Variants in TSC2 observed in about 807,000 individuals in gnomAD.
TSC2 encodes tuberin.
A neutral mutation model predicts 202.2 loss-of-function variants in TSC2; 29 were observed. The observed-to-expected ratio is 0.14, with a 90% CI of 0.11 to 0.20. The LOEUF is 0.20. Ranked by LOEUF, TSC2 falls within the 10% of genes least tolerant of loss-of-function variation. The pLI is 1.00. For missense variants in TSC2, 2,429 were observed against 2,420.0 expected, an observed-to-expected ratio of 1.00 and a Z score of -0.08; for synonymous variants, 1,349 against 1,044.0, an observed-to-expected ratio of 1.29 and a Z score of -5.63.
Position 2,076,079 on chromosome 16 carries a change from A to G in TSC2, c.2651A>G (p.Tyr884Cys), listed in dbSNP as rs754849580. The part of the protein sequence containing the change: ...PYTNPSKFNQ[Y>C]IVCLAHHVIA... ...CCTTCTCATCTCAGGTTTAATCAGTACATCGTGTGTCTGGCCCATCACGTC... is the reference window on the plus strand; with the variant it reads ...CCTTCTCATCTCAGGTTTAATCAGTGCATCGTGTGTCTGGCCCATCACGTC... The change falls in exon 24 of 42, where the codon TAC becomes TGC. Residue 884 changes from tyrosine (Y) to cysteine (C), a missense_variant. Transcript: ENST00000219476. 6.2e-7 allele frequency: 1 copy of G among 1,613,922 alleles called. No homozygotes were observed. Among genetic ancestry groups the G allele is most frequent in the Non-Finnish European group, 8.5e-7 (1 of 1,180,032 alleles).
At chr16:2,066,651 C>CTTTTTTTTTT (rs34619573) in intron 16 of TSC2, among the ~76,000 whole-genome samples, 22 of 98,478 alleles carry the variant, frequency 2.2e-4, no homozygotes, top group Non-Finnish European at 3.7e-4. Context: ...TCTGATTTAT[C>CTTTTTTTTTT]TTTTTTTTTT....
At chr16:2,049,232 C>A (rs530907641) in intron 2 of TSC2, among the ~76,000 whole-genome samples, 15 of 151,944 alleles carry the variant, frequency 9.9e-5, no homozygotes, top group Admixed American at 9.8e-4. Context: ...ACTACAGACA[C>A]GTGCCACCAC....
At chr16:2,076,885 C>G (rs1447945164) in intron 25 of TSC2, among the ~76,000 whole-genome samples, 1 of 152,288 alleles carries the variant, frequency 6.6e-6, no homozygotes, top group Non-Finnish European at 1.5e-5. Context: ...CTGGGGCTGC[C>G]CCCTCCTCTG....
chr16:2,073,901 A>AGGC, intron 21 of TSC2, among the ~76,000 whole-genome samples: 1 of 152,364 alleles, frequency 6.6e-6, no homozygotes, highest in South Asian at 2.1e-4. Context: ...TGGCCACTTC[A>AGGC]GGCAGCACTG....
At chr16:2,062,741 A>C in intron 13 of TSC2, 141 bp downstream of exon 13, 1 of 1,021,414 alleles carries the variant, frequency 9.8e-7, no homozygotes, top group South Asian at 1.4e-5. Flanking sequence ...CTGGGTGAGC[A>C]GGTGCTAGCT....
chr16:2,064,853 C>T (rs534524568), intron 15 of TSC2: 1 of 270,526 alleles, frequency 3.7e-6, no homozygotes, highest in African/African-American at 2.2e-5. Flanking sequence ...GTGGCTCACG[C>T]CTGTAATCCC....
chr16:2,065,434 AAAG>A (rs2087204886), intron 15 of TSC2, 82 bp from the exon 16 acceptor site: 7 of 863,790 alleles, frequency 8.1e-6, no homozygotes, highest in East Asian at 2.7e-5. Flanking sequence ...AAAAAAAAAA[AAAG>A]GTGTTTGTGG....
In TSC2 at chr16:2,061,959, C is replaced by T. The variant is rs1555501098; in HGVS notation, c.1208C>T (p.Ser403Phe). ...TGTGACCAGAACGAGTTCCACGGGT[C>T]TCAGGAGAGATACTTTGAACTGGTG... ...ELCDQNEFHG[S>F]QERYFELVER... The change falls in exon 12 of 42, where the codon TCT becomes TTT. Residue 403 changes from serine to phenylalanine, a missense_variant. Coordinates refer to ENST00000219476, the MANE Select transcript of TSC2 (RefSeq NM_000548.5). 9.3e-6 allele frequency: 15 copies of T among 1,614,194 alleles called. No individual in the cohort carries two copies. The highest frequency in any genetic ancestry group is 1.2e-5 in the Non-Finnish European group (14 of 1,180,036).
At chr16:2,061,708 C>G in intron 11 of TSC2, 163 bp from the exon 12 acceptor site, 1 of 1,204,210 alleles carries the variant, frequency 8.3e-7, no homozygotes, top group Non-Finnish European at 1.2e-6. Flanking sequence ...CCCATGAGGC[C>G]CGGAGCGGCC....
intron 17 of TSC2, among the ~76,000 whole-genome samples, chr16:2,070,994 G>A (rs532467036): frequency 0.052 from 7,920 of 151,320 alleles, 716 homozygotes; most frequent in African/African-American, 0.18. Flanking sequence ...AGAGGGCAGG[G>A]CAGGGATGGG....
intron 5 of TSC2, 108 bp from the exon 6 acceptor site, chr16:2,055,294 G>C: frequency 2.3e-6 from 2 of 871,458 alleles, no homozygotes; most frequent in South Asian, 2.6e-5. Context: ...CTGATGATGG[G>C]GTTTCTGGCA....
At position 2,072,389 on chromosome 16, in the gene TSC2, G is replaced by A. The variant is rs765728686; in HGVS notation, c.2220+26G>A. 6 of 1,613,192 alleles carry A rather than the reference G, an allele frequency of 3.7e-6. No individual in the cohort carries two copies. In the South Asian group the frequency reaches 6.6e-5, roughly 18 times the overall value. ...GTACCATGGCCGGCCTGGGGTTGGG[G>A]TGGGGGACCCAGTAGGGTTTTTCCC... is the stretch of plus-strand genomic sequence containing the variant. On this transcript the variant is annotated intron_variant, in intron 20 of 41. Coordinates refer to ENST00000219476, the MANE Select transcript of TSC2 (RefSeq NM_000548.5).
At chr16:2,068,346 C>T (rs1208186374) in intron 16 of TSC2, among the ~76,000 whole-genome samples, 1 of 152,058 alleles carries the variant, frequency 6.6e-6, no homozygotes, top group East Asian at 1.9e-4. Flanking sequence ...GGCCTGTTTT[C>T]ATTTCTTTTG....
chr16:2,071,996 AC>A, intron 19 of TSC2, 62 bp downstream of exon 19: 1 of 1,513,008 alleles, frequency 6.6e-7, no homozygotes, highest in Non-Finnish European at 8.9e-7. Context: ...GGGAGCTGCC[AC>A]CTGCCTGCTG....
In TSC2 at chr16:2,080,344, G is replaced by T; in HGVS notation, c.3577G>T (p.Gly1193Cys). The T allele has an allele frequency of 1.9e-6, 3 of 1,612,496 alleles. No individual in the cohort carries two copies. Among genetic ancestry groups the T allele is most frequent in the Non-Finnish European group, 2.5e-6 (3 of 1,179,990 alleles). Reference sequence around the variant, plus strand: ...GGCCTATGTGCCCCTGCTGACCCAGGGCTGGGCGGAGATCCTGGTCCGGAG... The same window carrying T: ...GGCCTATGTGCCCCTGCTGACCCAGTGCTGGGCGGAGATCCTGGTCCGGAG... ...LAAYVPLLTQ[G>C]WAEILVRRPT... The change falls in exon 30 of 42, where the codon GGC becomes TGC. Residue 1193 changes from glycine (G) to cysteine (C), a missense_variant. Gly to Cys is a radical substitution (Grantham distance 159). Coordinates refer to ENST00000219476, the MANE Select transcript of TSC2 (RefSeq NM_000548.5).
intron 5 of TSC2, 64 bp downstream of exon 5, chr16:2,054,504 A>C (rs1380402840): frequency 1.2e-6 from 2 of 1,609,964 alleles, no homozygotes; most frequent in African/African-American, 2.7e-5. Context: ...CTGGATGGGA[A>C]GGACCTGGGG....
At position 2,070,468 on chromosome 16, in the gene TSC2, A is replaced by G. The variant is rs1204749633; in HGVS notation, c.1729A>G (p.Thr577Ala). The change falls in exon 17 of 42, where the codon ACC (threonine) becomes GCC (alanine). Residue 577 changes from threonine to alanine, a missense_variant. Coordinates refer to ENST00000219476, the MANE Select transcript of TSC2 (RefSeq NM_000548.5). ...CCTCTCTCTGCAGACCAAGCTGTAC[A>G]CCCTGCCTGCAAGCCACGCCACGCG... ...LLVILQTKLY[T>A]LPASHATRVY... 1.9e-6 allele frequency: 3 copies of G among 1,613,162 alleles called. No homozygotes were observed. The highest frequency in any genetic ancestry group is 2.2e-5 in the East Asian group (1 of 44,868).
rs1218626538 is a variant in TSC2, at chr16:2,089,203, G to C, written c.*593G>C. On this transcript the variant is annotated 3_prime_UTR_variant, in exon 42 of 42. Transcript: ENST00000219476. Reference sequence around the variant, plus strand: ...GCGCAGCAGGTGTTGGGGGAGGCCAGCTCTGGGCGCAGGCCCCTCAGCCCT... The same window carrying C: ...GCGCAGCAGGTGTTGGGGGAGGCCACCTCTGGGCGCAGGCCCCTCAGCCCT... The C allele has an allele frequency of 5.7e-6, 1 of 175,308 alleles. No homozygotes were observed. 10.9% of individuals were successfully genotyped at this position (175,308 alleles called of 1,614,324 possible).
At chr16:2,072,763 T>C in intron 20 of TSC2, 86 bp from the exon 21 acceptor site, 1 of 1,603,860 alleles carries the variant, frequency 6.2e-7, no homozygotes. Flanking sequence ...TTCCTGGGCC[T>C]GCGTTCCCAG....
Sources: allele counts gnomAD v4.1 joint callset (sites outside exome capture counted in the v4.1 genomes callset), GRCh38; gene constraint gnomAD v4.1.1; transcripts MANE v1.5; gene names NCBI Gene and HGNC (gene_info 2026-07-23, HGNC 2026-07-21).